The following PTPRG variants were observed in gnomAD, a reference collection of about 807,000 sequenced individuals.
PTPRG encodes the protein receptor-type tyrosine-protein phosphatase gamma.
In PTPRG, 102 loss-of-function variants were observed where a neutral mutation model predicts 165.3. The observed-to-expected ratio is 0.62, with a 90% confidence interval of 0.53 to 0.73. The LOEUF is 0.73. Among genes scored for constraint, PTPRG ranks in the 30% least tolerant of loss-of-function variants. PTPRG has a pLI of 0.00. For synonymous variants in PTPRG, 675 were observed against 669.5 expected, an observed-to-expected ratio of 1.01 and a Z score of -0.13; for missense variants, 1,866 against 1,861.4, an observed-to-expected ratio of 1.00 and a Z score of -0.05.
chr3:62,072,801 A>C (rs929973717), intron 4 of PTPRG, among the ~76,000 whole-genome samples: 58 of 152,180 alleles, frequency 3.8e-4, no homozygotes, highest in African/African-American at 1.4e-3. Flanking sequence ...TAGTTTTCTT[A>C]AAGAATCAAA....
chr3:61,992,384 G>A (rs930278113), intron 3 of PTPRG, among the ~76,000 whole-genome samples: 5 of 151,814 alleles, frequency 3.3e-5, no homozygotes. Context: ...TTTCTGAGAC[G>A]GTCTCACTCT....
chr3:61,903,604 C>T (rs1051700309), intron 2 of PTPRG, among the ~76,000 whole-genome samples: 2 of 152,096 alleles, frequency 1.3e-5, no homozygotes, highest in African/African-American at 2.4e-5. Context: ...GAACTCCTGA[C>T]CTCAGGTGAT....
chr3:61,592,412 A>T (rs931871802), intron 1 of PTPRG, among the ~76,000 whole-genome samples: 3 of 152,086 alleles, frequency 2.0e-5, no homozygotes, highest in Non-Finnish European at 4.4e-5. Flanking sequence ...ACAATGTTGG[A>T]TGAGCCCAAA....
intron 1 of PTPRG, among the ~76,000 whole-genome samples, chr3:61,661,226 C>G (rs1702656251): frequency 6.6e-6 from 1 of 152,094 alleles, no homozygotes; most frequent in South Asian, 2.1e-4. Flanking sequence ...GTGCATGCCA[C>G]TAGCCCAGGC....
chr3:61,712,332 C>CTT (rs11439644), intron 1 of PTPRG, among the ~76,000 whole-genome samples: 4 of 147,822 alleles, frequency 2.7e-5, no homozygotes, highest in South Asian at 2.1e-4. Flanking sequence ...CGGCTTAAGA[C>CTT]TTTTTTTTTT....
At chr3:61,578,862 G>A (rs577472339) in intron 1 of PTPRG, among the ~76,000 whole-genome samples, 1 of 152,286 alleles carries the variant, frequency 6.6e-6, no homozygotes, top group East Asian at 1.9e-4. Context: ...TCCTTCCCAG[G>A]GAATGTTTGG....
intron 2 of PTPRG, among the ~76,000 whole-genome samples, chr3:61,958,306 T>G (rs528102090): frequency 2.1e-4 from 32 of 152,140 alleles, no homozygotes; most frequent in African/African-American, 7.5e-4. Flanking sequence ...CTTTTTGTAT[T>G]TTTAGTAGAC....
At position 62,081,795 on chromosome 3, in the gene PTPRG, T is replaced by G. The variant is rs73839692; in HGVS notation, c.615+3537T>G. Among the ~76,000 whole-genome samples, 1,417 of 152,362 alleles carry G rather than the reference T, an allele frequency of 9.3e-3. 23 individuals are homozygous for G. Among genetic ancestry groups the G allele is most frequent in the African/African-American group, 0.032 (1,350 of 41,576 alleles). The stretch of plus-strand genomic sequence containing the variant: ...TTGCTCTCTATAAGAATGATAAATT[T>G]GAGAGTTTGATATTTCTTCCCAAAA... On this transcript the variant is annotated intron_variant, in intron 5 of 29. Transcript: ENST00000474889.
intron 4 of PTPRG, among the ~76,000 whole-genome samples, chr3:62,016,823 C>G (rs2041556481): frequency 6.6e-6 from 1 of 152,154 alleles, no homozygotes; most frequent in South Asian, 2.1e-4. Flanking sequence ...ACACTTCTCT[C>G]CACCCTCTTT....
chr3:61,883,218 GA>G (rs899869795), intron 2 of PTPRG, among the ~76,000 whole-genome samples: 1 of 152,138 alleles, frequency 6.6e-6, no homozygotes, highest in Non-Finnish European at 1.5e-5. Flanking sequence ...GAATAATGAT[GA>G]AAAAATTATT....
At chr3:61,888,537 T>C (rs949990356) in intron 2 of PTPRG, among the ~76,000 whole-genome samples, 10 of 152,128 alleles carry the variant, frequency 6.6e-5, no homozygotes, top group Admixed American at 1.3e-4. Flanking sequence ...TTCACCGTGT[T>C]AGCCAGGATG....
At chr3:61,600,186 A>G (rs1461854316) in intron 1 of PTPRG, among the ~76,000 whole-genome samples, 217 of 116,038 alleles carry the variant, frequency 1.9e-3, no homozygotes, top group African/African-American at 5.4e-3. Context: ...ATATATATAT[A>G]TATATATGTG....
chr3:61,905,266 G>GA (rs1329043529), intron 2 of PTPRG, among the ~76,000 whole-genome samples: 1 of 152,158 alleles, frequency 6.6e-6, no homozygotes, highest in Non-Finnish European at 1.5e-5. Flanking sequence ...TAGGGAGCTT[G>GA]ACTGTGATTC....
intron 2 of PTPRG, among the ~76,000 whole-genome samples, chr3:61,950,011 G>C (rs1374925003): frequency 2.0e-5 from 3 of 152,156 alleles, no homozygotes; most frequent in Non-Finnish European, 2.9e-5. Flanking sequence ...CTCCCAATGT[G>C]CTGGGATTAC....
At chr3:61,843,953 A>G (rs1265164932) in intron 2 of PTPRG, among the ~76,000 whole-genome samples, 1 of 142,698 alleles carries the variant, frequency 7.0e-6, no homozygotes, top group Non-Finnish European at 1.5e-5. Context: ...GAAAATTCAC[A>G]TTTTACAACT....
intron 2 of PTPRG, among the ~76,000 whole-genome samples, chr3:61,939,483 C>G (rs1323205934): frequency 1.3e-5 from 2 of 152,152 alleles, no homozygotes; most frequent in Non-Finnish European, 2.9e-5. Context: ...AAATGCCAGG[C>G]AAATACACAG....
intron 2 of PTPRG, among the ~76,000 whole-genome samples, chr3:61,833,579 T>C (rs975260266): frequency 6.6e-6 from 1 of 152,132 alleles, no homozygotes; most frequent in Non-Finnish European, 1.5e-5. Flanking sequence ...TTTTCTTTTT[T>C]TGGAGACAAG....
chr3:61,682,111 T>G (rs1264034567), intron 1 of PTPRG, among the ~76,000 whole-genome samples: 1 of 136,132 alleles, frequency 7.3e-6, no homozygotes, highest in African/African-American at 2.8e-5. Context: ...ATTGTGTGAC[T>G]GCACTTGGGC....
intron 1 of PTPRG, among the ~76,000 whole-genome samples, chr3:61,562,669 G>A (rs1192271798): frequency 6.6e-6 from 1 of 151,998 alleles, no homozygotes. Flanking sequence ...GGGAGAAAGG[G>A]GGACTTGCTT....
Sources: gnomAD v4.1 joint callset for allele counts (sites outside exome capture counted in the v4.1 genomes callset) on GRCh38, gnomAD v4.1.1 for gene constraint, MANE v1.5 for transcripts, NCBI Gene and HGNC (gene_info 2026-07-23, HGNC 2026-07-21) for gene names.